The following ANKS1A variants were observed in gnomAD, a reference collection of about 807,000 sequenced individuals.
ANKS1A encodes ankyrin repeat and sterile alpha motif domain containing 1A.
Under a neutral mutation model 120.3 loss-of-function variants are expected in ANKS1A, and 55 were observed. The observed-to-expected ratio is 0.46, with a 90% confidence interval of 0.37 to 0.57. ANKS1A has a LOEUF of 0.57. ANKS1A is among the 20% of genes least tolerant of loss of function. ANKS1A has a pLI of 0.00. For missense variants in ANKS1A, 1,123 were observed against 1,480.3 expected (o/e 0.76, Z 3.96); for synonymous variants, 590 against 604.7 (o/e 0.98, Z 0.36).
chr6:34,983,470 A>G (rs1772022681), intron 7 of ANKS1A, 45 bp downstream of exon 7: 1 of 1,474,228 alleles, frequency 6.8e-7, no homozygotes, highest in Non-Finnish European at 9.2e-7. Flanking sequence ...TCAGCTTGAA[A>G]AGAGTTGAAA....
At chr6:34,917,092 C>T (rs1561846365) in intron 1 of ANKS1A, among the ~76,000 whole-genome samples, 1 of 152,212 alleles carries the variant, frequency 6.6e-6, no homozygotes, top group South Asian at 2.1e-4. Flanking sequence ...AACACCCCTG[C>T]CTAGTCCTTT....
intron 11 of ANKS1A, among the ~76,000 whole-genome samples, chr6:35,041,973 A>G (rs1009313126): frequency 6.6e-6 from 1 of 152,226 alleles, no homozygotes; most frequent in Admixed American, 6.5e-5. Context: ...AGGTTAAAGA[A>G]AAGCCAGAGG....
chr6:34,930,396 G>A (rs1768922975), intron 1 of ANKS1A, among the ~76,000 whole-genome samples: 1 of 152,190 alleles, frequency 6.6e-6, no homozygotes, highest in African/African-American at 2.4e-5. Flanking sequence ...TTGTCTATGT[G>A]GTGCTGCCAG....
chr6:34,940,824 C>G (rs1769487094), intron 1 of ANKS1A, among the ~76,000 whole-genome samples: 1 of 151,352 alleles, frequency 6.6e-6, no homozygotes, highest in African/African-American at 2.4e-5. Flanking sequence ...GGGAGAATCG[C>G]TTGAACTCAG....
chr6:34,967,540 AAT>A (rs1491488863), intron 2 of ANKS1A, among the ~76,000 whole-genome samples: 63 of 122,152 alleles, frequency 5.2e-4, no homozygotes, highest in African/African-American at 2.4e-3. Flanking sequence ...AAAAAAAAAA[AAT>A]TTTTTTAATT....
intron 1 of ANKS1A, among the ~76,000 whole-genome samples, chr6:34,954,125 G>A (rs1236704152): frequency 1.3e-5 from 2 of 152,130 alleles, no homozygotes; most frequent in African/African-American, 2.4e-5. Context: ...CCACTTTGTG[G>A]TGGTGTGTTT....
chr6:35,073,557 C>G (rs1777183978), intron 13 of ANKS1A, among the ~76,000 whole-genome samples: 1 of 152,226 alleles, frequency 6.6e-6, no homozygotes, highest in South Asian at 2.1e-4. Flanking sequence ...TGGACCCAAA[C>G]CAGGCCAGGC....
intron 1 of ANKS1A, among the ~76,000 whole-genome samples, chr6:34,941,689 A>C (rs1052384713): frequency 6.6e-6 from 1 of 152,242 alleles, no homozygotes; most frequent in East Asian, 1.9e-4. Context: ...GGAACATTGG[A>C]TTCTCTGATG....
intron 16 of ANKS1A, among the ~76,000 whole-genome samples, chr6:35,080,387 C>CA (rs1224036753): frequency 1.3e-5 from 2 of 152,234 alleles, no homozygotes; most frequent in African/African-American, 4.8e-5. Flanking sequence ...GGGTTAGACT[C>CA]AGAGCCTGCA....
intron 1 of ANKS1A, among the ~76,000 whole-genome samples, chr6:34,933,480 C>T (rs1769099081): frequency 6.6e-6 from 1 of 152,216 alleles, no homozygotes; most frequent in Admixed American, 6.5e-5. Context: ...AAGCGATTCT[C>T]CTGCCTCAGC....
chr6:35,054,242 C>T, intron 12 of ANKS1A, 77 bp downstream of exon 12: 2 of 1,391,678 alleles, frequency 1.4e-6, no homozygotes, highest in Non-Finnish European at 2.0e-6. Flanking sequence ...TCCTCTAACA[C>T]AGAAGACAGA....
intron 10 of ANKS1A, among the ~76,000 whole-genome samples, chr6:34,996,253 A>G (rs539783632): frequency 3.9e-5 from 6 of 152,306 alleles, no homozygotes; most frequent in Non-Finnish European, 7.3e-5. Context: ...TTAAATGTCT[A>G]TTCAAATTTT....
chr6:35,027,507 G>A (rs1445786675), intron 11 of ANKS1A, among the ~76,000 whole-genome samples: 1 of 152,220 alleles, frequency 6.6e-6, no homozygotes, highest in Admixed American at 6.5e-5. Context: ...ATATCCCAGA[G>A]AAGTTTAATT....
chr6:35,088,506 G>A (rs1211935541), intron 23 of ANKS1A, 100 bp from the exon 24 acceptor site: 12 of 1,498,848 alleles, frequency 8.0e-6, no homozygotes, highest in Non-Finnish European at 1.1e-5. Context: ...AGGCTGTGAG[G>A]GATCGTCTGT....
chr6:34,966,442 A>G (rs887254837), intron 1 of ANKS1A, among the ~76,000 whole-genome samples: 1 of 152,360 alleles, frequency 6.6e-6, no homozygotes, highest in Admixed American at 6.5e-5. Context: ...ACCTCAAACC[A>G]TTAGAGGCAT....
chr6:34,913,050 G>A (rs1250423139), intron 1 of ANKS1A, among the ~76,000 whole-genome samples: 1 of 152,160 alleles, frequency 6.6e-6, no homozygotes, highest in African/African-American at 2.4e-5. Context: ...CTGAGTTTCT[G>A]TTCTGTGTTA....
Position 35,044,311 on chromosome 6 carries a change from AT to A in ANKS1A, c.2011-9787del, listed in dbSNP as rs1447528725. On this transcript the variant is annotated intron_variant, in intron 11 of 23. Coordinates refer to ENST00000360359, the MANE Select transcript of ANKS1A (RefSeq NM_015245.3). This position sits in a 1 kb window ranked among gnomAD's most constrained non-coding sequence, Gnocchi z 4.4. Reference sequence around the variant, plus strand: ...ACAGGTTTGCCAGGTAGGTGTCGTTATCCCTGTTACAGATGACCAAGCGGAG... The same window carrying A: ...ACAGGTTTGCCAGGTAGGTGTCGTTACCCTGTTACAGATGACCAAGCGGAG... Among the ~76,000 whole-genome samples the A allele has an allele frequency of 6.6e-6, 1 of 152,236 alleles. No individual in the cohort carries two copies. Among genetic ancestry groups the A allele is most frequent in the Non-Finnish European group, 1.5e-5 (1 of 68,028 alleles).
At position 35,082,885 on chromosome 6, in the gene ANKS1A, A is replaced by C; in HGVS notation, c.2835+69A>C. 6.4e-7 allele frequency: 1 copy of C among 1,565,432 alleles called. No homozygotes were observed. Among genetic ancestry groups the C allele is most frequent in the Middle Eastern group, 1.7e-4 (1 of 5,790 alleles). On this transcript the variant is annotated intron_variant, in intron 18 of 23. Coordinates refer to ENST00000360359, the MANE Select transcript of ANKS1A (RefSeq NM_015245.3). The surrounding 1 kb of genome is among the most constrained non-coding windows in gnomAD (Gnocchi z 4.1). ...CTTCTCGGCCAGGCACCTGCGGCCAAGTCCCAGCAGGGACTCCACAAAGCC... is the reference window on the plus strand; with the variant it reads ...CTTCTCGGCCAGGCACCTGCGGCCACGTCCCAGCAGGGACTCCACAAAGCC...
intron 12 of ANKS1A, among the ~76,000 whole-genome samples, chr6:35,059,520 A>G (rs1391129156): frequency 6.6e-6 from 1 of 152,082 alleles, no homozygotes; most frequent in Admixed American, 6.5e-5. Flanking sequence ...CTTGTGTTGC[A>G]TGTGCTGGGT....
Sources: gnomAD v4.1 joint callset for allele counts (sites outside exome capture counted in the v4.1 genomes callset) on GRCh38, gnomAD v4.1.1 for gene constraint, Gnocchi (gnomAD v3.1) non-coding constraint, MANE v1.5 for transcripts, NCBI Gene and HGNC (gene_info 2026-07-23, HGNC 2026-07-21) for gene names.